TBCA: variants seen among roughly 807,000 people sequenced by gnomAD.
The protein encoded by TBCA is tubulin-specific chaperone A.
Under a neutral mutation model 15.8 loss-of-function variants are expected in TBCA, and 6 were observed. That is an observed-to-expected ratio of 0.38 (90% CI 0.21 to 0.75). The LOEUF (loss-of-function observed/expected upper bound fraction) is 0.75, where lower values mean the gene tolerates loss of function less well. TBCA is among the 30% of genes least tolerant of loss of function. The pLI is 0.46. For synonymous variants in TBCA, 32 were observed against 42.3 expected (o/e 0.76, Z 0.94); for missense variants, 90 against 131.2 (o/e 0.69, Z 1.53).
At chr5:77,695,456 G>T (rs1014177934) in intron 2 of TBCA, among the ~76,000 whole-genome samples, 2 of 152,146 alleles carry the variant, frequency 1.3e-5, no homozygotes, top group African/African-American at 4.8e-5. Flanking sequence ...ATTTGAGATT[G>T]CTTCAAGAAG....
intron 2 of TBCA, among the ~76,000 whole-genome samples, chr5:77,703,489 T>TA (rs1385471210): frequency 6.6e-6 from 1 of 152,096 alleles, no homozygotes; most frequent in Non-Finnish European, 1.5e-5. Flanking sequence ...AGCCAGAAAA[T>TA]AAAAAAAGAC....
At chr5:77,755,118 G>T (rs1397878145) in intron 1 of TBCA, among the ~76,000 whole-genome samples, 2 of 152,194 alleles carry the variant, frequency 1.3e-5, no homozygotes, top group Non-Finnish European at 2.9e-5. Context: ...ATAACAAAAA[G>T]AAATGGTTGG....
At chr5:77,740,534 C>T (rs530790000) in intron 1 of TBCA, among the ~76,000 whole-genome samples, 2 of 152,144 alleles carry the variant, frequency 1.3e-5, no homozygotes, top group Non-Finnish European at 2.9e-5. Flanking sequence ...TATGGTAGTA[C>T]CATTGTCAGA....
chr5:77,752,059 G>C (rs1747357900), intron 1 of TBCA, among the ~76,000 whole-genome samples: 1 of 152,150 alleles, frequency 6.6e-6, no homozygotes, highest in African/African-American at 2.4e-5. Context: ...GTCAGCAATT[G>C]TTTAATTGCT....
chr5:77,716,604 T>A (rs935850116), intron 1 of TBCA, among the ~76,000 whole-genome samples: 7 of 152,232 alleles, frequency 4.6e-5, no homozygotes, highest in Non-Finnish European at 1.0e-4. Context: ...TATTCCCATT[T>A]TAGTAACTAC....
chr5:77,741,433 A>G (rs1747028828), intron 1 of TBCA, among the ~76,000 whole-genome samples: 1 of 152,178 alleles, frequency 6.6e-6, no homozygotes, highest in South Asian at 2.1e-4. Flanking sequence ...AGAGGAGGTA[A>G]TAAGGATAGT....
At chr5:77,769,469 T>C (rs1747855955) in intron 1 of TBCA, among the ~76,000 whole-genome samples, 1 of 152,214 alleles carries the variant, frequency 6.6e-6, no homozygotes, top group African/African-American at 2.4e-5. Context: ...TACGTCTACT[T>C]AAGTATACGT....
chr5:77,704,357 G>T (rs1746094874), intron 2 of TBCA, among the ~76,000 whole-genome samples: 1 of 152,178 alleles, frequency 6.6e-6, no homozygotes, highest in African/African-American at 2.4e-5. Context: ...TCAGGTAAGA[G>T]TTTGGTAGAG....
chr5:77,762,009 C>T (rs182829769), intron 1 of TBCA, among the ~76,000 whole-genome samples: 72 of 152,274 alleles, frequency 4.7e-4, no homozygotes, highest in South Asian at 1.2e-3. Context: ...GCCAGGAAAA[C>T]GGAATGCCTT....
At chr5:77,752,320 G>GT (rs1220229406) in intron 1 of TBCA, among the ~76,000 whole-genome samples, 4 of 152,166 alleles carry the variant, frequency 2.6e-5, no homozygotes, top group African/African-American at 9.6e-5. Context: ...CTTTTGTTTA[G>GT]TTTTTTCTTT....
Position 77,766,580 on chromosome 5 carries a change from G to A in TBCA, c.53+9625C>T, listed in dbSNP as rs1231856435. On this transcript the variant is annotated intron_variant, in intron 1 of 3. Transcript: ENST00000380377. ...GCGGGAGTGCTGTGGCGCGATCTCC[G>A]CTCACTGCAAGCTCCGCCTTCCGGG... 8.2e-5 allele frequency among the ~76,000 whole-genome samples: 2 copies of A among 24,484 alleles called. 1 individual carries two copies. The highest frequency in any genetic ancestry group is 1.7e-4 in the Non-Finnish European group (2 of 11,488). 16.1% of individuals were successfully genotyped at this position (24,484 alleles called of 152,430 possible).
At chr5:77,692,361 T>C in intron 3 of TBCA, 7 of 985,196 alleles carry the variant, frequency 7.1e-6, no homozygotes, top group Non-Finnish European at 8.4e-6. Flanking sequence ...TTGTTCTCTG[T>C]TAGTAAATAC....
chr5:77,716,810 T>C (rs1746408237), intron 1 of TBCA, among the ~76,000 whole-genome samples: 1 of 152,218 alleles, frequency 6.6e-6, no homozygotes. Context: ...CACTTCTTAC[T>C]TGACAACAGA....
intron 1 of TBCA, among the ~76,000 whole-genome samples, chr5:77,760,290 GA>G (rs958333661): frequency 6.6e-6 from 1 of 152,046 alleles, no homozygotes; most frequent in African/African-American, 2.4e-5. Flanking sequence ...TTTATGTAAG[GA>G]AAAAAATCAC....
rs1312141776 is a variant in TBCA at position 77,692,291 on chromosome 5, CT to C, written c.247-794del. On this transcript the variant is annotated intron_variant, in intron 3 of 3. Coordinates refer to ENST00000380377, the MANE Select transcript of TBCA (RefSeq NM_004607.3). ...TGAAAGCAAAACGACTGAGAATTTG[CT>C]TAGCTCAAACTATACGTAAGAATTT... 6.1e-6 allele frequency: 6 copies of C among 985,230 alleles called. No homozygotes were observed. The Admixed American group carries it at 3.7e-4, about 61-fold the overall frequency. 61.0% of individuals were successfully genotyped at this position (985,230 alleles called of 1,614,324 possible).
intron 1 of TBCA, among the ~76,000 whole-genome samples, chr5:77,764,964 T>A (rs1345257853): frequency 6.6e-6 from 1 of 152,040 alleles, no homozygotes; most frequent in Non-Finnish European, 1.5e-5. Context: ...TTAAAATAAA[T>A]TTTTTAAATA....
chr5:77,732,334 T>C (rs2112469520), intron 1 of TBCA, among the ~76,000 whole-genome samples: 1 of 152,174 alleles, frequency 6.6e-6, no homozygotes, highest in South Asian at 2.1e-4. Flanking sequence ...TGGATTTTTG[T>C]TTTTTTATTT....
chr5:77,713,126 T>G (rs1746321262), intron 1 of TBCA, among the ~76,000 whole-genome samples: 1 of 152,018 alleles, frequency 6.6e-6, no homozygotes, highest in Admixed American at 6.6e-5. Flanking sequence ...AGATTTTGTC[T>G]CTACAAAAAA....
intron 1 of TBCA, among the ~76,000 whole-genome samples, chr5:77,769,636 G>T (rs1747861210): frequency 6.6e-6 from 1 of 151,358 alleles, no homozygotes; most frequent in African/African-American, 2.4e-5. Flanking sequence ...AACTTCGGAA[G>T]ATGCCACAGT....
Sources: allele counts gnomAD v4.1 joint callset (sites outside exome capture counted in the v4.1 genomes callset), GRCh38; gene constraint gnomAD v4.1.1; transcripts MANE v1.5; gene names NCBI Gene and HGNC (gene_info 2026-07-23, HGNC 2026-07-21).